The following PDE3A variants were observed in gnomAD, a reference collection of about 807,000 sequenced individuals.
PDE3A encodes the protein cGMP-inhibited 3',5'-cyclic phosphodiesterase 3A.
A neutral mutation model predicts 98.3 loss-of-function variants in PDE3A; 43 were observed. That is an observed-to-expected ratio of 0.44 (90% confidence interval 0.34 to 0.56). The LOEUF (loss-of-function observed/expected upper bound fraction) is 0.56, where lower values mean the gene tolerates loss of function less well. PDE3A is among the 20% of genes least tolerant of loss of function. PDE3A has a pLI of 0.01. For missense variants in PDE3A, 1,427 were observed against 1,440.7 expected (o/e 0.99, Z 0.15); for synonymous variants, 663 against 567.9 (o/e 1.17, Z -2.38).
intron 1 of PDE3A, among the ~76,000 whole-genome samples, chr12:20,534,689 G>A (rs1290087593): frequency 6.6e-6 from 1 of 152,108 alleles, no homozygotes. Context: ...TTGAGATATA[G>A]ATTACCTATT....
Position 20,650,569 on chromosome 12 carries a change from C to G in PDE3A, c.2894C>G (p.Thr965Arg). The G allele has an allele frequency of 6.2e-7, 1 of 1,609,960 alleles. No homozygotes were observed. The highest frequency in any genetic ancestry group is 8.5e-7 in the Non-Finnish European group (1 of 1,176,606). Residue 965 changes from threonine to arginine, a missense_variant, in exon 14 of 16, where the codon ACA (threonine) becomes AGA (arginine). Thr to Arg is a moderately conservative substitution (Grantham distance 71). Around this residue, in one of 3 missense-constraint regions of PDE3A, gnomAD observed 273 missense variants for 420.3 expected, o/e 0.65. Coordinates refer to ENST00000359062, the MANE Select transcript of PDE3A (RefSeq NM_000921.5). ...AKCKELHLQW[T>R]DGIVNEFYEQ... ...TGTAAAGAACTCCATCTTCAGTGGACAGATGGTATTGTCAATGAATTTTAT... is the reference window on the plus strand; with the variant it reads ...TGTAAAGAACTCCATCTTCAGTGGAGAGATGGTATTGTCAATGAATTTTAT...
chr12:20,673,105 A>G (rs1945534953), intron 15 of PDE3A, among the ~76,000 whole-genome samples: 3 of 152,112 alleles, frequency 2.0e-5, no homozygotes, highest in Non-Finnish European at 4.4e-5. Flanking sequence ...AAAAATGCTC[A>G]TCATCACTGG....
chr12:20,518,971 C>G (rs1404839940), intron 1 of PDE3A, among the ~76,000 whole-genome samples: 4 of 151,960 alleles, frequency 2.6e-5, no homozygotes, highest in Non-Finnish European at 5.9e-5. Flanking sequence ...ATTGAAATTG[C>G]TACATGTGGC....
intron 2 of PDE3A, among the ~76,000 whole-genome samples, chr12:20,599,550 ATTTG>A (rs1372543367): frequency 1.3e-5 from 2 of 152,162 alleles, no homozygotes; most frequent in Non-Finnish European, 2.9e-5. Flanking sequence ...ACGTATAAAA[ATTTG>A]TTTAACTTCT....
At chr12:20,558,602 A>G (rs1942430692) in intron 2 of PDE3A, among the ~76,000 whole-genome samples, 1 of 151,870 alleles carries the variant, frequency 6.6e-6, no homozygotes, top group African/African-American at 2.4e-5. Flanking sequence ...TTAAAAAGAA[A>G]GAGAATTTCC....
intron 2 of PDE3A, among the ~76,000 whole-genome samples, chr12:20,599,218 C>T (rs994115876): frequency 3.3e-5 from 5 of 152,092 alleles, no homozygotes; most frequent in Admixed American, 2.6e-4. Flanking sequence ...TTCTGCTCTG[C>T]CCCCCACTTA....
At chr12:20,477,457 C>A (rs1273938360) in intron 1 of PDE3A, among the ~76,000 whole-genome samples, 2 of 152,062 alleles carry the variant, frequency 1.3e-5, no homozygotes, top group Non-Finnish European at 2.9e-5. Context: ...AATAATGAAC[C>A]CCTGCTCTGT....
chr12:20,485,791 T>C (rs1461046888), intron 1 of PDE3A, among the ~76,000 whole-genome samples: 1 of 152,060 alleles, frequency 6.6e-6, no homozygotes, highest in Non-Finnish European at 1.5e-5. Context: ...CTTTAATGCA[T>C]TTGTGCTCTT....
At chr12:20,450,568 A>G (rs922771214) in intron 1 of PDE3A, among the ~76,000 whole-genome samples, 1 of 152,372 alleles carries the variant, frequency 6.6e-6, no homozygotes, top group East Asian at 1.9e-4. Flanking sequence ...GGGATATTAT[A>G]AAAGATGAAC....
At chr12:20,571,997 G>A in intron 2 of PDE3A, 1 of 1,101,918 alleles carries the variant, frequency 9.1e-7, no homozygotes, top group Non-Finnish European at 1.1e-6. Context: ...ATTTGACTAT[G>A]GTGTGGCCTT....
intron 4 of PDE3A, among the ~76,000 whole-genome samples, chr12:20,618,223 A>AAAACT (rs1944052219): frequency 6.6e-6 from 1 of 152,146 alleles, no homozygotes; most frequent in South Asian, 2.1e-4. Context: ...CCTTTAAGGG[A>AAAACT]AAACTATTTA....
intron 5 of PDE3A, among the ~76,000 whole-genome samples, chr12:20,628,573 C>T (rs1032303378): frequency 2.6e-5 from 4 of 151,974 alleles, no homozygotes; most frequent in African/African-American, 9.7e-5. Context: ...GGTTTTTTAA[C>T]CTCTCTGGGT....
In PDE3A at chr12:20,646,916, C is replaced by G; in HGVS notation, c.2531C>G (p.Thr844Ser). Residue 844 changes from threonine (T) to serine (S), a missense_variant, in exon 12 of 16, where the codon ACT (threonine) becomes AGT (serine). Transcript: ENST00000359062. The part of the protein sequence containing the change: ...AMHDYDHPGR[T>S]NAFLVATSAP... Reference sequence around the variant, plus strand: ...CACGATTATGATCATCCAGGAAGGACTAATGCTTTCCTGGTTGCAACTAGT... The same window carrying G: ...CACGATTATGATCATCCAGGAAGGAGTAATGCTTTCCTGGTTGCAACTAGT... 1 of 1,613,534 alleles carries G rather than the reference C, an allele frequency of 6.2e-7. No homozygotes were observed. Among genetic ancestry groups the G allele is most frequent in the South Asian group, 1.1e-5 (1 of 91,076 alleles).
At chr12:20,385,160 C>T (rs570342983) in intron 1 of PDE3A, among the ~76,000 whole-genome samples, 9 of 151,986 alleles carry the variant, frequency 5.9e-5, no homozygotes, top group South Asian at 2.1e-4. Context: ...AGTGTAAACG[C>T]GTTGTTATTT....
intron 13 of PDE3A, among the ~76,000 whole-genome samples, chr12:20,649,100 A>ATT (rs57663785): frequency 6.7e-6 from 1 of 149,330 alleles, no homozygotes; most frequent in African/African-American, 2.5e-5. Flanking sequence ...TAATTTTTGT[A>ATT]TTTTTTTTTT....
At chr12:20,583,114 C>T (rs7298187) in intron 2 of PDE3A, among the ~76,000 whole-genome samples, 1,768 of 152,230 alleles carry the variant, frequency 0.012, 33 homozygotes, top group African/African-American at 0.041. Flanking sequence ...TTTGTTTTCC[C>T]TCAGAACTCA....
chr12:20,582,765 G>A (rs1943100544), intron 2 of PDE3A, among the ~76,000 whole-genome samples: 1 of 152,002 alleles, frequency 6.6e-6, no homozygotes, highest in Non-Finnish European at 1.5e-5. Context: ...TTTTTAATGT[G>A]ATTCTTGATT....
intron 1 of PDE3A, among the ~76,000 whole-genome samples, chr12:20,415,800 G>T (rs1252584079): frequency 6.6e-6 from 1 of 152,130 alleles, no homozygotes; most frequent in Non-Finnish European, 1.5e-5. Flanking sequence ...AGGTTCTTTG[G>T]AGTCAGTGTG....
chr12:20,630,473 G>A (rs1944354224), intron 6 of PDE3A, among the ~76,000 whole-genome samples: 1 of 152,140 alleles, frequency 6.6e-6, no homozygotes, highest in Admixed American at 6.6e-5. Context: ...TTGTTGGAAT[G>A]TTTGTACTTG....
Sources: gnomAD v4.1 joint callset for allele counts (sites outside exome capture counted in the v4.1 genomes callset) on GRCh38, gnomAD v4.1.1 for gene constraint, gnomAD v4.1.1 regional missense constraint, MANE v1.5 for transcripts, NCBI Gene and HGNC (gene_info 2026-07-23, HGNC 2026-07-21) for gene names.